The following LYAR variants were observed in gnomAD, a reference collection of about 807,000 sequenced individuals.
LYAR encodes the protein cell growth-regulating nucleolar protein.
LYAR carries 37 observed loss-of-function variants against 45.2 expected under a neutral mutation model. The ratio of observed to expected loss-of-function variants is 0.82; its 90% CI spans 0.63 to 1.08. LYAR has a LOEUF of 1.08. LYAR is among the 50% of genes least tolerant of loss of function. The probability of loss-of-function intolerance (pLI) is 0.00; values close to 1 mark genes in which losing one functional copy is unlikely to be tolerated. For synonymous variants in LYAR, 176 were observed against 155.1 expected (o/e 1.14, Z -1.00); for missense variants, 493 against 451.0 (o/e 1.09, Z -0.84).
intron 1 of LYAR, chr4:4,289,494 G>C (rs879755330): frequency 6.6e-6 from 1 of 152,212 alleles, no homozygotes; most frequent in Non-Finnish European, 1.5e-5. Flanking sequence ...CCTCTCATAG[G>C]AGGTTAACAC....
At chr4:4,272,117 A>G (rs953978806) in intron 8 of LYAR, among the ~76,000 whole-genome samples, 5 of 152,226 alleles carry the variant, frequency 3.3e-5, no homozygotes, top group Non-Finnish European at 5.9e-5. Context: ...AGAGGGCAGC[A>G]GGAGGCAGCC....
intron 7 of LYAR, 122 bp downstream of exon 7, chr4:4,274,245 C>CAAAA: frequency 1.0e-6 from 1 of 1,001,852 alleles, no homozygotes; most frequent in Non-Finnish European, 1.4e-6. Context: ...TCAAAAAAAA[C>CAAAA]AAAAAAAAAA....
At chr4:4,284,352 A>G (rs1719523386) in intron 2 of LYAR, among the ~76,000 whole-genome samples, 1 of 152,232 alleles carries the variant, frequency 6.6e-6, no homozygotes, top group South Asian at 2.1e-4. Context: ...TGAAGTTTAG[A>G]AAGTGAAGAA....
chr4:4,289,120 A>G (rs1372323431), intron 1 of LYAR, among the ~76,000 whole-genome samples: 1 of 152,192 alleles, frequency 6.6e-6, no homozygotes, highest in Non-Finnish European at 1.5e-5. Flanking sequence ...CAAGGGTTAC[A>G]ATGGGTGACA....
chr4:4,284,389 A>G (rs929729895), intron 2 of LYAR, among the ~76,000 whole-genome samples: 1 of 152,236 alleles, frequency 6.6e-6, no homozygotes, highest in Admixed American at 6.5e-5. Context: ...CACAATTTCT[A>G]TGGCACTAAA....
In LYAR at chr4:4,279,690, C is replaced by T; in HGVS notation, c.297G>A (p.Glu99=). 1 of 1,614,004 alleles carries T rather than the reference C, an allele frequency of 6.2e-7. No homozygotes were observed. The highest frequency in any genetic ancestry group is 8.5e-7 in the Non-Finnish European group (1 of 1,179,964). The change falls in exon 5 of 10, where the codon GAG becomes GAA. Residue 99 remains glutamate (E), a synonymous_variant. Transcript: ENST00000343470. Reference sequence around the variant, plus strand: ...GAACGTTGTCAAAAGCACTAATTTGCTCTAAAAGTTCTCTCACTTTGGGGC... The same window carrying T: ...GAACGTTGTCAAAAGCACTAATTTGTTCTAAAAGTTCTCTCACTTTGGGGC... The part of the protein sequence containing the change: ...NVSPKVRELL[E]QISAFDNVPR...
chr4:4,276,748 T>A (rs6842306), intron 6 of LYAR, among the ~76,000 whole-genome samples: 3 of 151,276 alleles, frequency 2.0e-5, no homozygotes, highest in Non-Finnish European at 2.9e-5. Context: ...TCCTAGCTAC[T>A]CGGGGGGCTG....
At chr4:4,283,360 A>G (rs1719479125) in intron 3 of LYAR, among the ~76,000 whole-genome samples, 1 of 152,194 alleles carries the variant, frequency 6.6e-6, no homozygotes, top group Admixed American at 6.5e-5. Flanking sequence ...TATGTTGGCC[A>G]GGCTGGTCTT....
At chr4:4,281,080 C>G (rs960757595) in intron 4 of LYAR, among the ~76,000 whole-genome samples, 5 of 152,112 alleles carry the variant, frequency 3.3e-5, no homozygotes, top group Admixed American at 1.3e-4. Flanking sequence ...TCTGCATTGA[C>G]GAAAGTATCT....
intron 6 of LYAR, among the ~76,000 whole-genome samples, chr4:4,276,046 A>G (rs1261766259): frequency 2.6e-5 from 4 of 152,250 alleles, no homozygotes; most frequent in African/African-American, 9.6e-5. Flanking sequence ...AAACAGTGAC[A>G]TCAGCAAGTT....
In LYAR at chr4:4,271,753, G is replaced by C. The variant is rs1718946080; in HGVS notation, c.919+1830C>G. Among the ~76,000 whole-genome samples the C allele has an allele frequency of 2.0e-5, 3 of 152,204 alleles. No homozygotes were observed. In the South Asian group the frequency reaches 6.2e-4, roughly 31 times the overall value. On this transcript the variant is annotated intron_variant, in intron 8 of 9. Transcript: ENST00000343470. ...GACACAGCATTGAACATTCGCTTCA[G>C]AAAAACTGACTTAGTTCACACAGAA...
At chr4:4,274,005 G>A (rs113585120) in intron 7 of LYAR, among the ~76,000 whole-genome samples, 1 of 152,184 alleles carries the variant, frequency 6.6e-6, no homozygotes, top group African/African-American at 2.4e-5. Context: ...GGGAGGCCGA[G>A]GGGGGCGGAT....
intron 3 of LYAR, among the ~76,000 whole-genome samples, chr4:4,283,354 T>C (rs1189916609): frequency 1.3e-5 from 2 of 152,192 alleles, no homozygotes. Context: ...TTTCACTATG[T>C]TGGCCAGGCT....
At chr4:4,282,808 G>C (rs2108849387) in intron 3 of LYAR, among the ~76,000 whole-genome samples, 1 of 152,270 alleles carries the variant, frequency 6.6e-6, no homozygotes, top group East Asian at 1.9e-4. Context: ...ACACACCCGT[G>C]GGGCCAGGAA....
chr4:4,288,595 C>A (rs1479548046), intron 1 of LYAR, among the ~76,000 whole-genome samples: 1 of 151,492 alleles, frequency 6.6e-6, no homozygotes, highest in Non-Finnish European at 1.5e-5. Context: ...AAGTGATTCT[C>A]CGGCCTCAGC....
rs200310019 is a variant in LYAR at position 4,281,847 on chromosome 4, T to C, written c.173A>G (p.Tyr58Cys). The C allele has an allele frequency of 6.2e-7, 1 of 1,614,202 alleles. No homozygotes were observed. The highest frequency in any genetic ancestry group is 1.7e-5 in the Admixed American group (1 of 60,020). ...TTTACCTTCATAGCCTTTGCCACCA[T>C]ACTTCTGATCTTCACTTATGCATTT... ...HVKCISEDQK[Y>C]GGKGYEGKTH... is the part of the protein sequence containing the mutation. Residue 58 changes from tyrosine to cysteine, a missense_variant, in exon 4 of 10, where the codon TAT becomes TGT. Coordinates refer to ENST00000343470, the MANE Select transcript of LYAR (RefSeq NM_017816.3).
At position 4,274,764 on chromosome 4, in the gene LYAR, TG is replaced by T; in HGVS notation, c.434del (p.Pro145GlnfsTer30). 6.3e-7 allele frequency: 1 copy of T among 1,586,854 alleles called. No homozygotes were observed. Among genetic ancestry groups the T allele is most frequent in the Non-Finnish European group, 8.5e-7 (1 of 1,172,408 alleles). On this transcript the variant is annotated frameshift_variant, in exon 7 of 10. Transcript: ENST00000343470. LOFTEE classifies it high-confidence loss of function. The stretch of plus-strand genomic sequence containing the variant: ...GCCGTTGATCCTGTTCCTTATTGAC[TG>T]GTTCCTTATCATTAAGCAAAAGCAA... ...NIFSEASNSE[P>X]VNKEQDQRPL...
Position 4,267,945 on chromosome 4 carries a change from T to C in LYAR, c.1084A>G (p.Ile362Val). The stretch of plus-strand genomic sequence containing the variant: ...AACTTAAAGGTAGGGTTCTTGCTGA[T>C]TTTCTTGTTAAAGATGACCAGGAGT... The part of the protein sequence containing the change: ...EELLVIFNKK[I>V]SKNPTFKLLK... Residue 362 changes from isoleucine (I) to valine (V), a missense_variant, in exon 10 of 10, where the codon ATC becomes GTC. Coordinates refer to ENST00000343470, the MANE Select transcript of LYAR (RefSeq NM_017816.3). 1 of 1,613,482 alleles carries C rather than the reference T, an allele frequency of 6.2e-7. No individual in the cohort carries two copies. The highest frequency in any genetic ancestry group is 8.5e-7 in the Non-Finnish European group (1 of 1,179,828).
In LYAR at chr4:4,268,512, T is replaced by G; in HGVS notation, c.1005+18A>C. 1 of 1,547,106 alleles carries G rather than the reference T, an allele frequency of 6.5e-7. No homozygotes were observed. Among genetic ancestry groups the G allele is most frequent in the African/African-American group, 1.4e-5 (1 of 72,868 alleles). Reference sequence around the variant, plus strand: ...TCTCCCCAGCTGTTAGACACGTGGGTTTGTTCATATGCCATACCTTTTTCC... The same window carrying G: ...TCTCCCCAGCTGTTAGACACGTGGGGTTGTTCATATGCCATACCTTTTTCC... On this transcript the variant is annotated intron_variant, in intron 9 of 9. Coordinates refer to ENST00000343470, the MANE Select transcript of LYAR (RefSeq NM_017816.3).
Sources: allele counts gnomAD v4.1 joint callset (sites outside exome capture counted in the v4.1 genomes callset), GRCh38; gene constraint gnomAD v4.1.1; transcripts MANE v1.5; gene names NCBI Gene and HGNC (gene_info 2026-07-23, HGNC 2026-07-21).